The following ARHGAP8 variants were observed in gnomAD, a reference collection of about 807,000 sequenced individuals.
ARHGAP8 encodes rho GTPase-activating protein 8.
Under a neutral mutation model 46.1 loss-of-function variants are expected in ARHGAP8, and 62 were observed. The ratio of observed to expected loss-of-function variants is 1.34; its 90% CI spans 1.10 to 1.66. The LOEUF (loss-of-function observed/expected upper bound fraction) is 1.66. Ranked by LOEUF, ARHGAP8 falls within the 40% of genes most tolerant of loss-of-function variation. The pLI is 0.00. For missense variants in ARHGAP8, 923 were observed against 568.4 expected (o/e 1.62, Z -6.34); for synonymous variants, 375 against 243.1 (o/e 1.54, Z -5.05).
At chr22:44,828,140 C>T (rs1229740687) in intron 7 of ARHGAP8, among the ~76,000 whole-genome samples, 5 of 152,238 alleles carry the variant, frequency 3.3e-5, no homozygotes, top group African/African-American at 4.8e-5. Context: ...GTACTTAAGA[C>T]ATTTTGTAAG....
chr22:44,806,386 C>T (rs564007383), intron 3 of ARHGAP8, among the ~76,000 whole-genome samples: 83 of 152,140 alleles, frequency 5.5e-4, no homozygotes, highest in Non-Finnish European at 1.1e-3. Context: ...CGTGATTTCT[C>T]TACATCAAAG....
At chr22:44,808,639 C>G in intron 4 of ARHGAP8, 1 of 949,774 alleles carries the variant, frequency 1.1e-6, no homozygotes, top group Non-Finnish European at 1.6e-6. Context: ...GGTTGGCACT[C>G]ATTTTTTTTT....
intron 7 of ARHGAP8, among the ~76,000 whole-genome samples, chr22:44,830,667 T>G (rs781408661): frequency 2.2e-4 from 34 of 152,052 alleles, no homozygotes; most frequent in Non-Finnish European, 4.3e-4. Context: ...CTCCCGAGTA[T>G]GTGTGACTAC....
intron 1 of ARHGAP8, among the ~76,000 whole-genome samples, chr22:44,772,630 A>G (rs1926119565): frequency 6.6e-6 from 1 of 151,910 alleles, no homozygotes. Flanking sequence ...AAGGCAGATG[A>G]AGCTTTCTTT....
rs183135732 is a variant in ARHGAP8 at position 44,861,357 on chromosome 22, T to C, written c.982-918T>C. Among the ~76,000 whole-genome samples, 95 of 152,244 alleles carry C rather than the reference T, an allele frequency of 6.2e-4. 1 individual carries two copies. The East Asian group carries it at 0.018, about 29-fold the overall frequency. ...CGATGTGAATGCACCTGGTGGGGTGTGGTGTTGCGTGTTATCACCCCAGTG... is the reference window on the plus strand; with the variant it reads ...CGATGTGAATGCACCTGGTGGGGTGCGGTGTTGCGTGTTATCACCCCAGTG... On this transcript the variant is annotated intron_variant, in intron 11 of 11. Coordinates refer to ENST00000356099, the MANE Select transcript of ARHGAP8 (RefSeq NM_181335.3).
intron 11 of ARHGAP8, among the ~76,000 whole-genome samples, chr22:44,861,352 G>T (rs909994142): frequency 6.6e-6 from 1 of 152,182 alleles, no homozygotes; most frequent in Non-Finnish European, 1.5e-5. Flanking sequence ...GCACCTGGTG[G>T]GGTGTGGTGT....
chr22:44,769,435 T>G (rs1000979038), intron 1 of ARHGAP8, among the ~76,000 whole-genome samples: 1 of 152,254 alleles, frequency 6.6e-6, no homozygotes, highest in African/African-American at 2.4e-5. Flanking sequence ...TTTGCCATTC[T>G]GGGCCCTTTT....
At chr22:44,814,837 CCACGCAT>C (rs1929619647) in intron 5 of ARHGAP8, 79 bp downstream of exon 5, 1 of 1,523,594 alleles carries the variant, frequency 6.6e-7, no homozygotes, top group East Asian at 2.3e-5. Flanking sequence ...CCTTCCCTAT[CCACGCAT>C]CATGGAGGGC....
At chr22:44,804,776 G>T (rs1928818321) in intron 3 of ARHGAP8, among the ~76,000 whole-genome samples, 1 of 152,134 alleles carries the variant, frequency 6.6e-6, no homozygotes, top group Admixed American at 6.5e-5. Flanking sequence ...TGGGCTGGTT[G>T]CTTCATGAGA....
intron 3 of ARHGAP8, among the ~76,000 whole-genome samples, 180 bp from the exon 4 acceptor site, chr22:44,808,127 G>A (rs559585648): frequency 2.0e-5 from 3 of 152,302 alleles, no homozygotes; most frequent in East Asian, 1.9e-4. Flanking sequence ...GTCACTTAAC[G>A]TCTCTGAGCC....
Position 44,758,951 on chromosome 22 carries a change from C to T in ARHGAP8, c.-72+6324C>T, listed in dbSNP as rs876418. Among the ~76,000 whole-genome samples the T allele has an allele frequency of 1.8e-4, 28 of 152,068 alleles. No homozygotes were observed. The South Asian group carries it at 3.1e-3, about 17-fold the overall frequency. Reference sequence around the variant, plus strand: ...GACACGGATTTACCATTTTTTTAGGCGGGAGAAGAGAAAGCCCAGTGTGAA... The same window carrying T: ...GACACGGATTTACCATTTTTTTAGGTGGGAGAAGAGAAAGCCCAGTGTGAA... On this transcript the variant is annotated intron_variant, in intron 1 of 11. Transcript: ENST00000356099.
rs989353497 is a variant in ARHGAP8, at chr22:44,852,349, G to A, written c.877+3289G>A. On this transcript the variant is annotated intron_variant, in intron 10 of 11. Coordinates refer to ENST00000356099, the MANE Select transcript of ARHGAP8 (RefSeq NM_181335.3). Reference sequence around the variant, plus strand: ...GTCATTCCGCCGTCTTTAGAGATAAGGCACCCTCTGGACATAGGGAAGACC... The same window carrying A: ...GTCATTCCGCCGTCTTTAGAGATAAAGCACCCTCTGGACATAGGGAAGACC... Among the ~76,000 whole-genome samples, 19 of 152,148 alleles carry A rather than the reference G, an allele frequency of 1.2e-4. 1 individual carries two copies. The highest frequency in any genetic ancestry group is 5.9e-4 in the Admixed American group (9 of 15,276).
At position 44,782,171 on chromosome 22, in the gene ARHGAP8, C is replaced by G. The variant is rs1040314490; in HGVS notation, c.-71-4286C>G. Among the ~76,000 whole-genome samples, 3 of 152,086 alleles carry G rather than the reference C, an allele frequency of 2.0e-5. No individual in the cohort carries two copies. The East Asian group carries it at 5.8e-4, about 30-fold the overall frequency. ...CCAATGTGGTGAAACCCCATCTCTA[C>G]TAAAAATACAAAAAAATTAGCTTGG... is the stretch of plus-strand genomic sequence containing the variant. On this transcript the variant is annotated intron_variant, in intron 1 of 11. Transcript: ENST00000356099.
At chr22:44,846,020 C>G (rs1043194720) in intron 8 of ARHGAP8, among the ~76,000 whole-genome samples, 1 of 149,282 alleles carries the variant, frequency 6.7e-6, no homozygotes, top group Non-Finnish European at 1.5e-5. Flanking sequence ...TGCCCCCCCC[C>G]ATCCCCACCA....
chr22:44,859,586 A>C, intron 10 of ARHGAP8, 145 bp from the exon 11 acceptor site: 1 of 776,818 alleles, frequency 1.3e-6, no homozygotes, highest in South Asian at 1.5e-5. Context: ...ATACGGCCAG[A>C]AGATAAGTGG....
At chr22:44,853,230 G>A (rs1191592331) in intron 10 of ARHGAP8, among the ~76,000 whole-genome samples, 1 of 152,188 alleles carries the variant, frequency 6.6e-6, no homozygotes, top group East Asian at 1.9e-4. Flanking sequence ...TTGCAATTTA[G>A]ATGTCTTTGG....
chr22:44,821,775 C>G (rs1038785468), intron 5 of ARHGAP8, among the ~76,000 whole-genome samples: 1 of 152,352 alleles, frequency 6.6e-6, no homozygotes, highest in Non-Finnish European at 1.5e-5. Flanking sequence ...GAGTGAATTG[C>G]CCTGGGGCAC....
At chr22:44,770,116 C>T (rs5765969) in intron 1 of ARHGAP8, among the ~76,000 whole-genome samples, 107,338 of 151,794 alleles carry the variant, frequency 0.71, 38,125 homozygotes, top group East Asian at 0.88. Context: ...TGGTGGTGTG[C>T]ACCTGTAATC....
chr22:44,831,846 T>TTGTAGTA (rs1401988545), intron 7 of ARHGAP8, among the ~76,000 whole-genome samples: 6 of 152,216 alleles, frequency 3.9e-5, no homozygotes, highest in Non-Finnish European at 1.5e-5. Flanking sequence ...TGCCACACAA[T>TTGTAGTA]CTTGATTACT....
Sources: gnomAD v4.1 joint callset for allele counts (sites outside exome capture counted in the v4.1 genomes callset) on GRCh38, gnomAD v4.1.1 for gene constraint, MANE v1.5 for transcripts, NCBI Gene and HGNC (gene_info 2026-07-23, HGNC 2026-07-21) for gene names.